The following UTRN variants were observed in gnomAD, a reference collection of about 807,000 sequenced individuals.
UTRN encodes dystrophin-related protein 1.
A neutral mutation model predicts 463.9 loss-of-function variants in UTRN; 283 were observed. The ratio of observed to expected loss-of-function variants is 0.61; its 90% CI spans 0.55 to 0.67. UTRN has a LOEUF of 0.67. Among genes scored for constraint, UTRN ranks in the 30% least tolerant of loss-of-function variants. The pLI is 0.00. For missense variants in UTRN, 3,922 were observed against 4,084.3 expected, an observed-to-expected ratio of 0.96 and a Z score of 1.08; for synonymous variants, 1,442 against 1,431.5, an observed-to-expected ratio of 1.01 and a Z score of -0.17.
At chr6:144,648,041 AC>A (rs1174422090) in intron 51 of UTRN, among the ~76,000 whole-genome samples, 1 of 152,162 alleles carries the variant, frequency 6.6e-6, no homozygotes, top group Non-Finnish European at 1.5e-5. Context: ...ACAACTCTAC[AC>A]AGTTTGGAAT....
chr6:144,625,702 G>T (rs1444956023), intron 51 of UTRN, among the ~76,000 whole-genome samples: 1 of 152,118 alleles, frequency 6.6e-6, no homozygotes, highest in Non-Finnish European at 1.5e-5. Context: ...TTTTCCCTAG[G>T]GCCCCTTAGT....
chr6:144,630,004 T>C (rs1170562801), intron 51 of UTRN, among the ~76,000 whole-genome samples: 3 of 151,114 alleles, frequency 2.0e-5, no homozygotes, highest in Non-Finnish European at 4.4e-5. Flanking sequence ...GCTAACATGG[T>C]GAAACCCCAT....
chr6:144,592,576 G>A (rs760723599), intron 51 of UTRN, among the ~76,000 whole-genome samples: 9 of 151,974 alleles, frequency 5.9e-5, no homozygotes, highest in Non-Finnish European at 1.0e-4. Context: ...TCACCATGTT[G>A]GCCATGATAG....
chr6:144,411,167 A>G (rs1783864122), intron 3 of UTRN, among the ~76,000 whole-genome samples: 1 of 152,204 alleles, frequency 6.6e-6, no homozygotes, highest in South Asian at 2.1e-4. Flanking sequence ...TAGTGGTTGT[A>G]CTAGTTTACA....
At chr6:144,835,976 T>C (rs546685407) in intron 70 of UTRN, 38 bp downstream of exon 70, 13 of 1,603,178 alleles carry the variant, frequency 8.1e-6, no homozygotes, top group East Asian at 2.2e-5. Context: ...TGTCATCCTT[T>C]CTTTTGTATG....
chr6:144,553,140 C>T (rs536587873), intron 48 of UTRN, among the ~76,000 whole-genome samples: 15 of 152,242 alleles, frequency 9.9e-5, no homozygotes, highest in South Asian at 4.1e-4. Flanking sequence ...TGGGATCCAG[C>T]GATTCTCCTG....
At chr6:144,419,952 A>G (rs7773941) in intron 3 of UTRN, among the ~76,000 whole-genome samples, 8,568 of 142,532 alleles carry the variant, frequency 0.06, 825 homozygotes, top group African/African-American at 0.21. Flanking sequence ...AGGTACACAC[A>G]CTTGTGCGCA....
chr6:144,552,825 G>T (rs560506515), intron 48 of UTRN, among the ~76,000 whole-genome samples: 1 of 152,122 alleles, frequency 6.6e-6, no homozygotes, highest in African/African-American at 2.4e-5. Context: ...ACTGTTAAAG[G>T]ATTCTATTAG....
At position 144,474,464 on chromosome 6, in the gene UTRN, A is replaced by C. The variant is rs962692620; in HGVS notation, c.3181-140A>C. ...AGGTGAAATGAGTTTCTTAAGGCAC[A>C]ATATTTCTTAAGTAGTTAGAAGTAC... On this transcript the variant is annotated intron_variant, in intron 24 of 74. Transcript: ENST00000367545. 4.5e-6 allele frequency: 4 copies of C among 891,252 alleles called. No individual in the cohort carries two copies. In the African/African-American group the frequency reaches 7.0e-5, roughly 15 times the overall value. The allele number at this position is 891,252 out of a possible 1,614,324, so 55.2% of individuals were successfully genotyped here.
chr6:144,747,721 TA>T (rs1250670245), intron 54 of UTRN, among the ~76,000 whole-genome samples: 5 of 152,220 alleles, frequency 3.3e-5, no homozygotes, highest in Non-Finnish European at 4.4e-5. Flanking sequence ...ACTAAACTGC[TA>T]AACAGCCTTA....
In UTRN at chr6:144,676,856, A is replaced by G. The variant is rs1436357370; in HGVS notation, c.7480-1550A>G. 2.6e-5 allele frequency among the ~76,000 whole-genome samples: 4 copies of G among 152,224 alleles called. No homozygotes were observed. The East Asian group carries it at 7.7e-4, about 29-fold the overall frequency. On this transcript the variant is annotated intron_variant, in intron 51 of 74. Coordinates refer to ENST00000367545, the MANE Select transcript of UTRN (RefSeq NM_007124.3). ...AAAATGTGAAAAACACTTTAGTTAT[A>G]GTTATGTAATATCTTAGTGACCTCT... is the stretch of plus-strand genomic sequence containing the variant.
chr6:144,692,436 AT>A (rs1425253923), intron 52 of UTRN, among the ~76,000 whole-genome samples: 1 of 152,170 alleles, frequency 6.6e-6, no homozygotes, highest in Non-Finnish European at 1.5e-5. Context: ...GTCAAATGGT[AT>A]TTATGTTTTT....
chr6:144,491,043 G>T lies in UTRN; in HGVS notation c.4378G>T (p.Val1460Phe), dbSNP rs145799060. 6.2e-7 allele frequency: 1 copy of T among 1,613,982 alleles called. No homozygotes were observed. The highest frequency in any genetic ancestry group is 8.5e-7 in the Non-Finnish European group (1 of 1,179,964). ...GGATGGCGTGAAAGCAGAACTTCAC[G>T]TTCTGGATGTGAAGGACGTAGACCC... ...VLDGVKAELHVLDVKDVDPDV... is the reference protein window; with the variant it reads ...VLDGVKAELHFLDVKDVDPDV... Residue 1460 changes from valine (V) to phenylalanine (F), a missense_variant, in exon 32 of 75, where the codon GTT becomes TTT. Val to Phe is a conservative substitution (Grantham distance 50, BLOSUM62 -1). Transcript: ENST00000367545.
chr6:144,666,120 GC>G (rs1421676864), intron 51 of UTRN, among the ~76,000 whole-genome samples: 1 of 152,190 alleles, frequency 6.6e-6, no homozygotes, highest in East Asian at 1.9e-4. Flanking sequence ...GTGAGAGCCA[GC>G]CCTCTTTCAT....
At chr6:144,293,429 T>C (rs1390571031) in intron 2 of UTRN, among the ~76,000 whole-genome samples, 1 of 152,168 alleles carries the variant, frequency 6.6e-6, no homozygotes, top group Non-Finnish European at 1.5e-5. Flanking sequence ...AATTTAAAAT[T>C]ATCTTTTAAA....
At chr6:144,645,373 G>A (rs1053385565) in intron 51 of UTRN, among the ~76,000 whole-genome samples, 1 of 152,100 alleles carries the variant, frequency 6.6e-6, no homozygotes, top group Non-Finnish European at 1.5e-5. Flanking sequence ...TTGTTATAAA[G>A]TATTTTGTTT....
intron 51 of UTRN, among the ~76,000 whole-genome samples, chr6:144,590,997 C>T (rs1485551924): frequency 1.3e-5 from 2 of 152,000 alleles, no homozygotes; most frequent in Admixed American, 6.6e-5. Flanking sequence ...CTGTTGTTAC[C>T]GTTACCACTA....
chr6:144,373,213 A>G (rs1416648054), intron 2 of UTRN, among the ~76,000 whole-genome samples: 1 of 152,230 alleles, frequency 6.6e-6, no homozygotes, highest in Non-Finnish European at 1.5e-5. Flanking sequence ...AAAAACTTGT[A>G]CATGGATATT....
At chr6:144,684,942 G>A (rs941187569) in intron 52 of UTRN, among the ~76,000 whole-genome samples, 2 of 152,184 alleles carry the variant, frequency 1.3e-5, no homozygotes, top group Non-Finnish European at 2.9e-5. Context: ...TAGCGGTGAA[G>A]TCTGAGATTT....
Sources: allele counts gnomAD v4.1 joint callset (sites outside exome capture counted in the v4.1 genomes callset), GRCh38; gene constraint gnomAD v4.1.1; transcripts MANE v1.5; gene names NCBI Gene and HGNC (gene_info 2026-07-23, HGNC 2026-07-21).